MDGA1: variants seen among roughly 807,000 people sequenced by gnomAD.
MDGA1 encodes the protein MAM domain containing glycosylphosphatidylinositol anchor 1.
MDGA1 carries 54 observed loss-of-function variants against 101.5 expected under a neutral mutation model. That is an observed-to-expected ratio of 0.53 (90% CI 0.43 to 0.67). The LOEUF (loss-of-function observed/expected upper bound fraction) is 0.67. Ranked by LOEUF, MDGA1 falls within the 30% of genes least tolerant of loss-of-function variation. MDGA1 has a pLI of 0.00. For synonymous variants in MDGA1, 533 were observed against 558.3 expected (o/e 0.95, Z 0.64); for missense variants, 1,083 against 1,323.8 (o/e 0.82, Z 2.82).
chr6:37,667,188 G>T (rs901936717), intron 1 of MDGA1, among the ~76,000 whole-genome samples: 1 of 152,234 alleles, frequency 6.6e-6, no homozygotes, highest in Non-Finnish European at 1.5e-5. Flanking sequence ...CACAGGCTAT[G>T]TTTAACCACA....
intron 1 of MDGA1, among the ~76,000 whole-genome samples, chr6:37,666,751 G>A (rs1761762607): frequency 6.6e-6 from 1 of 152,214 alleles, no homozygotes; most frequent in Non-Finnish European, 1.5e-5. Flanking sequence ...ACATAAGAGA[G>A]ATATAGAAGG....
rs988778939 is a variant in MDGA1 at position 37,646,916 on chromosome 6, G to C, written c.2046+257C>G. ...GAGCAGTGCTGGCTCCCTCCCCCAC[G>C]AACCCAGCAGACCCTTGCCTGCCCA... On this transcript the variant is annotated intron_variant, in intron 10 of 16. Coordinates refer to ENST00000434837, the MANE Select transcript of MDGA1 (RefSeq NM_153487.4). Among the ~76,000 whole-genome samples the C allele has an allele frequency of 2.0e-5, 3 of 152,012 alleles. No homozygotes were observed. The East Asian group carries it at 5.8e-4, about 29-fold the overall frequency.
intron 1 of MDGA1, among the ~76,000 whole-genome samples, chr6:37,671,322 C>T (rs555254841): frequency 5.3e-5 from 8 of 152,204 alleles, no homozygotes; most frequent in Non-Finnish European, 7.3e-5. Context: ...GCTTTCTAAA[C>T]GTATTGGCCA....
At chr6:37,644,905 C>T (rs565456591) in intron 12 of MDGA1, among the ~76,000 whole-genome samples, 199 of 152,292 alleles carry the variant, frequency 1.3e-3, no homozygotes, top group Non-Finnish European at 2.5e-3. Flanking sequence ...ATTTTAGACA[C>T]ATAAAATGAA....
intron 10 of MDGA1, among the ~76,000 whole-genome samples, chr6:37,646,760 A>C (rs1489897345): frequency 1.3e-5 from 2 of 152,120 alleles, no homozygotes; most frequent in African/African-American, 4.8e-5. Flanking sequence ...AAGCACATGG[A>C]ATCAGACTGG....
intron 5 of MDGA1, 47 bp downstream of exon 5, chr6:37,654,753 G>T: frequency 6.2e-7 from 1 of 1,610,426 alleles, no homozygotes; most frequent in Non-Finnish European, 8.5e-7. Context: ...TCCTGGTTGG[G>T]AGTTAGCTCA....
chr6:37,655,534 C>G lies in MDGA1; in HGVS notation c.579+166G>C. ...CATTGCTGCTCCCTGACCTTTCCAT[C>G]TGATTTTTCTGCCCCAGGCTGTCTG... On this transcript the variant is annotated intron_variant, in intron 4 of 16. Coordinates refer to ENST00000434837, the MANE Select transcript of MDGA1 (RefSeq NM_153487.4). This position sits in a 1 kb window ranked among gnomAD's most constrained non-coding sequence, Gnocchi z 5.1. 1.6e-6 allele frequency: 1 copy of G among 610,810 alleles called. No individual in the cohort carries two copies. The highest frequency in any genetic ancestry group is 2.9e-6 in the Non-Finnish European group (1 of 348,012). The allele number at this position is 610,810 out of a possible 1,614,324, so 37.8% of individuals were successfully genotyped here.
At chr6:37,662,949 T>C (rs865952398) in intron 2 of MDGA1, among the ~76,000 whole-genome samples, 35 of 152,326 alleles carry the variant, frequency 2.3e-4, no homozygotes, top group Middle Eastern at 3.4e-3. Flanking sequence ...TCCAGCAGCA[T>C]TGTTTTCCCT....
At chr6:37,669,879 A>T (rs1457987256) in intron 1 of MDGA1, among the ~76,000 whole-genome samples, 1 of 152,228 alleles carries the variant, frequency 6.6e-6, no homozygotes, top group Non-Finnish European at 1.5e-5. Context: ...TGCTGGGGAG[A>T]TGGATAGCAA....
In MDGA1 at chr6:37,694,239, G is replaced by A. The variant is rs116629231; in HGVS notation, c.67+2506C>T. On this transcript the variant is annotated intron_variant, in intron 1 of 16. Transcript: ENST00000434837. ...CCAGCCTCTTCTCTCTTCTAGGGCT[G>A]CAGGATAGGACTCTGTGACTCGCCC... Among the ~76,000 whole-genome samples the A allele has an allele frequency of 4.6e-3, 699 of 152,318 alleles. 3 individuals are homozygous for A. The highest frequency in any genetic ancestry group is 0.016 in the African/African-American group (653 of 41,554).
intron 1 of MDGA1, among the ~76,000 whole-genome samples, chr6:37,681,718 C>A (rs1683532043): frequency 6.6e-6 from 1 of 151,356 alleles, no homozygotes; most frequent in South Asian, 2.1e-4. Flanking sequence ...CAAGTGAGAG[C>A]AGTTTATCTC....
chr6:37,691,770 A>G (rs1167045227), intron 1 of MDGA1, among the ~76,000 whole-genome samples: 1 of 152,234 alleles, frequency 6.6e-6, no homozygotes, highest in Non-Finnish European at 1.5e-5. Context: ...ACCTTCTAGC[A>G]GCAGATGTAT....
At chr6:37,648,253 C>T (rs531404466) in intron 9 of MDGA1, 10 of 152,492 alleles carry the variant, frequency 6.6e-5, no homozygotes, top group African/African-American at 1.7e-4. Context: ...TGGCCCAGTG[C>T]CCCGCAACAA....
At position 37,655,155 on chromosome 6, in the gene MDGA1, T is replaced by G; in HGVS notation, c.580-223A>C. The G allele has an allele frequency of 1.7e-6, 1 of 599,420 alleles. No homozygotes were observed. Among genetic ancestry groups the G allele is most frequent in the Non-Finnish European group, 2.9e-6 (1 of 343,844 alleles). 37.1% of individuals were successfully genotyped at this position (599,420 alleles called of 1,614,324 possible). A position where few individuals can be genotyped will look rare whatever the true frequency, so the allele number is the denominator to read the frequency against. ...GCCTCATCATGGGATTCTCTGGGTC[T>G]GAGGTTGCCCTTGTGCACACTGGCA... On this transcript the variant is annotated intron_variant, in intron 4 of 16. Transcript: ENST00000434837. This position sits in a 1 kb window ranked among gnomAD's most constrained non-coding sequence, Gnocchi z 5.1.
chr6:37,678,214 G>A (rs547992235), intron 1 of MDGA1, among the ~76,000 whole-genome samples: 144 of 152,154 alleles, frequency 9.5e-4, no homozygotes, highest in Non-Finnish European at 1.6e-3. Flanking sequence ...GTTGTCTCCC[G>A]TTAACCAAGT....
chr6:37,647,983 G>A (rs1218574376), intron 9 of MDGA1, among the ~76,000 whole-genome samples: 3 of 152,192 alleles, frequency 2.0e-5, no homozygotes, highest in Non-Finnish European at 4.4e-5. Flanking sequence ...CCCAGGCTCT[G>A]CTCCAGGGGC....
chr6:37,663,354 A>C (rs1324963752), intron 2 of MDGA1, among the ~76,000 whole-genome samples: 2 of 152,240 alleles, frequency 1.3e-5, no homozygotes, highest in African/African-American at 4.8e-5. Context: ...TGCCTGCCAG[A>C]AACCTGAAGT....
intron 1 of MDGA1, among the ~76,000 whole-genome samples, chr6:37,665,127 G>A (rs16890068): frequency 0.05 from 7,603 of 152,144 alleles, 324 homozygotes; most frequent in African/African-American, 0.11. Flanking sequence ...GGCCCAGTGG[G>A]AAATGACTGA....
intron 1 of MDGA1, among the ~76,000 whole-genome samples, chr6:37,672,393 T>C (rs527895298): frequency 7.2e-5 from 11 of 151,936 alleles, no homozygotes; most frequent in South Asian, 2.1e-4. Flanking sequence ...TGAGCCATGA[T>C]TGCACACTGC....
Sources: gnomAD v4.1 joint callset for allele counts (sites outside exome capture counted in the v4.1 genomes callset) on GRCh38, gnomAD v4.1.1 for gene constraint, Gnocchi (gnomAD v3.1) non-coding constraint, MANE v1.5 for transcripts, NCBI Gene and HGNC (gene_info 2026-07-23, HGNC 2026-07-21) for gene names.